The following CNPY1 variants were observed in gnomAD, a reference collection of about 807,000 sequenced individuals.
The protein encoded by CNPY1 is canopy FGF signaling regulator 1, also known as protein canopy homolog 1.
In CNPY1, 14 loss-of-function variants were observed where a neutral mutation model predicts 14.4. The observed-to-expected ratio is 0.97, with a 90% confidence interval of 0.64 to 1.52. CNPY1 has a LOEUF of 1.52. Among genes scored for constraint, CNPY1 ranks in the 40% most tolerant of loss-of-function variants. CNPY1 has a pLI of 0.00. For synonymous variants in CNPY1, 43 were observed against 46.5 expected, an observed-to-expected ratio of 0.92 and a Z score of 0.31; for missense variants, 129 against 131.5, an observed-to-expected ratio of 0.98 and a Z score of 0.09.
intron 1 of CNPY1, 92 bp downstream of exon 1, chr7:155,546,337 C>T (rs934070707): frequency 4.1e-5 from 16 of 390,472 alleles, no homozygotes; most frequent in South Asian, 1.4e-4. Context: ...AGGCATACGT[C>T]GCCACACCCG....
rs141808909 is a variant in CNPY1 at position 155,522,332 on chromosome 7, C to T, written c.100-13235G>A. Among the ~76,000 whole-genome samples the T allele has an allele frequency of 4.0e-3, 606 of 152,382 alleles. 1 individual carries two copies. Among genetic ancestry groups the T allele is most frequent in the African/African-American group, 6.4e-3 (266 of 41,602 alleles). ...GGGGAGGCCCAGGGTGTGACTGTCA[C>T]GCCAGGCCATGTCTCTGCCCATGCC... On this transcript the variant is annotated intron_variant, in intron 2 of 4. Transcript: ENST00000636446.
chr7:155,513,419 G>A (rs887767073), intron 2 of CNPY1, among the ~76,000 whole-genome samples: 1 of 152,034 alleles, frequency 6.6e-6, no homozygotes, highest in Non-Finnish European at 1.5e-5. Flanking sequence ...ATAAGACCTT[G>A]GGGGGAAAAC....
Position 155,502,952 on chromosome 7 carries a change from G to A in CNPY1, c.*116C>T. On this transcript the variant is annotated 3_prime_UTR_variant, in exon 5 of 5. Coordinates refer to ENST00000636446, the MANE Select transcript of CNPY1 (RefSeq NM_001393663.1). ...TGAATCATAAACGGAGACAAACACG[G>A]TATAAACAAGAGACAAAATTTTTCT... 5 of 849,036 alleles carry A rather than the reference G, an allele frequency of 5.9e-6. No individual in the cohort carries two copies. Among genetic ancestry groups the A allele is most frequent in the Non-Finnish European group, 9.3e-6 (5 of 535,836 alleles). The allele number at this position is 849,036 out of a possible 1,614,324, so 52.6% of individuals were successfully genotyped here.
At chr7:155,546,346 C>T (rs911233960) in intron 1 of CNPY1, 83 bp downstream of exon 1, 61 of 371,234 alleles carry the variant, frequency 1.6e-4, no homozygotes, top group African/African-American at 7.4e-4. Flanking sequence ...TCGCCACACC[C>T]GGCTAATTTT....
At chr7:155,504,044 T>C (rs1316261728) in intron 4 of CNPY1, among the ~76,000 whole-genome samples, 2 of 152,136 alleles carry the variant, frequency 1.3e-5, no homozygotes, top group African/African-American at 2.4e-5. Context: ...TGCCCCAAGA[T>C]ATTCCACCAG....
intron 2 of CNPY1, among the ~76,000 whole-genome samples, chr7:155,511,716 T>C (rs138512056): frequency 4.6e-5 from 7 of 152,302 alleles, no homozygotes; most frequent in African/African-American, 1.4e-4. Context: ...TGCTGGCAGC[T>C]AGCTCGGAGA....
chr7:155,507,822 T>A (rs1406669597), intron 3 of CNPY1, among the ~76,000 whole-genome samples: 4 of 152,250 alleles, frequency 2.6e-5, no homozygotes, highest in Non-Finnish European at 5.9e-5. Flanking sequence ...ACTACCAGGT[T>A]ATACTTTCGG....
chr7:155,531,561 C>T (rs1026188837), intron 2 of CNPY1, among the ~76,000 whole-genome samples: 9 of 152,236 alleles, frequency 5.9e-5, no homozygotes, highest in Non-Finnish European at 1.0e-4. Flanking sequence ...CTTCCTCTCT[C>T]TGCAGCTTAG....
In CNPY1 at chr7:155,508,889, C is replaced by T; in HGVS notation, c.303+5G>A. ...TACGATTCATCTGCAAGGAAGAGAG[C>T]TTACCGCAAATTTCAAAGGTCTGTA... On this transcript the variant is annotated splice_donor_5th_base_variant and intron_variant, in intron 3 of 4. Transcript: ENST00000636446. 6.2e-7 allele frequency: 1 copy of T among 1,612,992 alleles called. No individual in the cohort carries two copies. The highest frequency in any genetic ancestry group is 8.5e-7 in the Non-Finnish European group (1 of 1,179,776).
At chr7:155,520,373 C>G (rs1229955624) in intron 2 of CNPY1, among the ~76,000 whole-genome samples, 1 of 151,864 alleles carries the variant, frequency 6.6e-6, no homozygotes, top group Admixed American at 6.6e-5. Context: ...TTTCTTAGCG[C>G]CTGCTGGGAG....
At chr7:155,542,288 C>A (rs1474615184) in intron 2 of CNPY1, among the ~76,000 whole-genome samples, 1 of 150,586 alleles carries the variant, frequency 6.6e-6, no homozygotes, top group Non-Finnish European at 1.5e-5. Flanking sequence ...CTTGGTCCTG[C>A]CAGCTGCTCC....
intron 2 of CNPY1, among the ~76,000 whole-genome samples, chr7:155,518,125 AG>A (rs1202785831): frequency 1.3e-5 from 2 of 152,280 alleles, no homozygotes; most frequent in East Asian, 3.9e-4. Context: ...CCATCCTCTC[AG>A]GATCTGGGAG....
intron 2 of CNPY1, among the ~76,000 whole-genome samples, chr7:155,541,732 G>A (rs535524547): frequency 2.0e-5 from 3 of 152,300 alleles, no homozygotes; most frequent in African/African-American, 4.8e-5. Flanking sequence ...CTGCCTGGCT[G>A]GCCAGGAGGA....
chr7:155,546,352 AT>A (rs34943403), intron 1 of CNPY1, 76 bp downstream of exon 1: 27,844 of 366,192 alleles, frequency 0.076, no homozygotes, highest in East Asian at 0.1. Flanking sequence ...CACCCGGCTA[AT>A]TTTTTTTTTT....
intron 2 of CNPY1, among the ~76,000 whole-genome samples, chr7:155,524,320 T>C (rs547967218): frequency 6.6e-6 from 1 of 152,358 alleles, no homozygotes; most frequent in East Asian, 1.9e-4. Flanking sequence ...AGAACTTTCC[T>C]GTAAGGCAGG....
chr7:155,522,654 C>T (rs988282923), intron 2 of CNPY1, among the ~76,000 whole-genome samples: 1 of 152,178 alleles, frequency 6.6e-6, no homozygotes, highest in African/African-American at 2.4e-5. Context: ...GTGAGCACCT[C>T]GTCTTCATGG....
chr7:155,505,852 C>G (rs1796287541), intron 4 of CNPY1, among the ~76,000 whole-genome samples: 1 of 152,086 alleles, frequency 6.6e-6, no homozygotes, highest in African/African-American at 2.4e-5. Context: ...AGAAAAATAC[C>G]CCAAATGCCT....
At chr7:155,545,157 T>C (rs1470789788) in intron 2 of CNPY1, among the ~76,000 whole-genome samples, 3 of 152,106 alleles carry the variant, frequency 2.0e-5, no homozygotes, top group South Asian at 2.1e-4. Context: ...TTTGAGTGAG[T>C]TGGATGATAT....
chr7:155,544,094 C>T (rs1444229140), intron 2 of CNPY1, among the ~76,000 whole-genome samples: 6 of 152,182 alleles, frequency 3.9e-5, no homozygotes, highest in Non-Finnish European at 8.8e-5. Context: ...GACCCCCAAA[C>T]GTGGACTCCT....
Sources: allele counts gnomAD v4.1 joint callset (sites outside exome capture counted in the v4.1 genomes callset), GRCh38; gene constraint gnomAD v4.1.1; transcripts MANE v1.5; gene names NCBI Gene and HGNC (gene_info 2026-07-23, HGNC 2026-07-21).